MYH11: variants seen among roughly 807,000 people sequenced by gnomAD.
MYH11 encodes myosin-11.
Under a neutral mutation model 246.6 loss-of-function variants are expected in MYH11, and 80 were observed. That is an observed-to-expected ratio of 0.32 (90% confidence interval 0.27 to 0.39). The LOEUF is 0.39. MYH11 is among the 10% of genes least tolerant of loss of function. The pLI is 1.00. For missense variants in MYH11, 2,158 were observed against 2,546.8 expected (o/e 0.85, Z 3.29); for synonymous variants, 1,071 against 1,015.5 (o/e 1.05, Z -1.04).
intron 8 of MYH11, among the ~76,000 whole-genome samples, chr16:15,775,558 C>G (rs148308724): frequency 0.014 from 2,099 of 152,312 alleles, 23 homozygotes; most frequent in Non-Finnish European, 0.024. Context: ...CCAGAAGCCA[C>G]CTGGCCTGCA....
chr16:15,760,410 A>G (rs971206426), intron 11 of MYH11, 130 bp downstream of exon 11: 3 of 797,164 alleles, frequency 3.8e-6, no homozygotes, highest in Admixed American at 1.7e-5. Context: ...AGATGGATGG[A>G]TGGACAGATG....
At chr16:15,786,560 A>G (rs766409147) in intron 5 of MYH11, 70 bp downstream of exon 5, 86 of 1,375,164 alleles carry the variant, frequency 6.3e-5, no homozygotes, top group Non-Finnish European at 4.6e-5. Flanking sequence ...TTCTGTTTGT[A>G]TCTCGGTTGG....
chr16:15,838,066 C>G lies in MYH11; in HGVS notation c.187G>C (p.Val63Leu). Residue 63 changes from valine (V) to leucine (L), a missense_variant, in exon 2 of 41, where the codon GTG (valine) becomes CTG (leucine). By Grantham distance (32) the Val-to-Leu change is conservative. Transcript: ENST00000300036. ...EKGDEVVVEL[V>L]ENGKKVTVGK... ...ACCGTGACCTTCTTGCCATTCTCCA[C>G]CAGCTCCACAACCACCTCATCCCCC... The G allele has an allele frequency of 6.2e-7, 1 of 1,614,152 alleles. No homozygotes were observed. The highest frequency in any genetic ancestry group is 8.5e-7 in the Non-Finnish European group (1 of 1,180,038).
chr16:15,704,999 G>C lies in MYH11; in HGVS notation c.5787-876C>G, dbSNP rs140954447. ...TGGCCTTCAAGGTGGATTTAAAAAA[G>C]AAATTTAAGAGTCTCTCTCACCCAG... On this transcript the variant is annotated intron_variant, in intron 40 of 40. Coordinates refer to ENST00000300036, the MANE Select transcript of MYH11 (RefSeq NM_002474.3). Among the ~76,000 whole-genome samples, 163 of 152,218 alleles carry C rather than the reference G, an allele frequency of 1.1e-3. 3 individuals carry two copies. The East Asian group carries it at 0.026, about 24-fold the overall frequency.
Position 15,782,344 on chromosome 16 carries a change from C to T in MYH11, c.726+41G>A, listed in dbSNP as rs1321755987. ...CTGCAGCCCCAGGCAGGAGATGACA[C>T]CAAAGCTTTTCTGGAAAATCCATGT... On this transcript the variant is annotated intron_variant, in intron 6 of 40. Transcript: ENST00000300036. 15 of 1,579,476 alleles carry T rather than the reference C, an allele frequency of 9.5e-6. No individual in the cohort carries two copies. The South Asian group carries it at 1.4e-4, about 15-fold the overall frequency.
chr16:15,708,389 A>C (rs1428551281), intron 40 of MYH11, among the ~76,000 whole-genome samples: 1 of 152,206 alleles, frequency 6.6e-6, no homozygotes, highest in Non-Finnish European at 1.5e-5. Flanking sequence ...AGATAGTGGA[A>C]CTGTCATATT....
Position 15,715,182 on chromosome 16 carries a change from G to A in MYH11, c.5595C>T (p.Ala1865=), listed in dbSNP as rs760286479. The change falls in exon 39 of 41, where the codon GCC becomes GCT. Residue 1865 remains alanine, a synonymous_variant. Transcript: ENST00000300036. ...LLQVEDERKM[A]EQYKEQAEKG... Reference sequence around the variant, plus strand: ...GGGCTACCTGCTCCTTGTACTGCTCGGCCATCTTGCGCTCGTCCTCCACCT... The same window carrying A: ...GGGCTACCTGCTCCTTGTACTGCTCAGCCATCTTGCGCTCGTCCTCCACCT... The A allele has an allele frequency of 2.7e-5, 44 of 1,613,860 alleles. No individual in the cohort carries two copies. The East Asian group carries it at 5.1e-4, about 19-fold the overall frequency.
intron 23 of MYH11, 139 bp downstream of exon 23, chr16:15,739,912 T>G: frequency 2.2e-6 from 2 of 904,198 alleles, no homozygotes; most frequent in Non-Finnish European, 3.4e-6. Context: ...TGGCTAATCT[T>G]TGTATTTTTA....
intron 7 of MYH11, 87 bp downstream of exon 7, chr16:15,778,693 G>A: frequency 1.6e-6 from 2 of 1,253,708 alleles, no homozygotes; most frequent in South Asian, 2.4e-5. Flanking sequence ...GAAAGATAGA[G>A]GTGGCTCTTG....
chr16:15,777,127 A>ACACACACG (rs1415362906), intron 7 of MYH11, among the ~76,000 whole-genome samples: 1 of 151,622 alleles, frequency 6.6e-6, no homozygotes, highest in Non-Finnish European at 1.5e-5. Context: ...ACACACACAC[A>ACACACACG]CGCACGTATG....
Position 15,719,327 on chromosome 16 carries a change from G to A in MYH11, c.5083-19C>T. 6.2e-7 allele frequency: 1 copy of A among 1,607,986 alleles called. No individual in the cohort carries two copies. The highest frequency in any genetic ancestry group is 1.1e-5 in the South Asian group (1 of 90,912). The stretch of plus-strand genomic sequence containing the variant: ...CGAGGTCCTAGGTGGGAGGGAGGAA[G>A]GCTGTTGTCTGCCAGGGAAAGGCCA... On this transcript the variant is annotated intron_variant, in intron 35 of 40. Coordinates refer to ENST00000300036, the MANE Select transcript of MYH11 (RefSeq NM_002474.3).
chr16:15,833,033 T>A (rs560971229), intron 2 of MYH11, among the ~76,000 whole-genome samples: 1 of 135,724 alleles, frequency 7.4e-6, no homozygotes, highest in South Asian at 2.5e-4. Flanking sequence ...CACAATATCA[T>A]GCCTGTAATC....
chr16:15,782,537 T>A (rs900829877), intron 5 of MYH11, 60 bp from the exon 6 acceptor site: 50 of 1,375,014 alleles, frequency 3.6e-5, no homozygotes, highest in Admixed American at 2.6e-4. Context: ...CAGTTCTACC[T>A]TGGATGGATG....
chr16:15,707,928 C>T (rs556563397), intron 40 of MYH11, among the ~76,000 whole-genome samples: 31 of 142,040 alleles, frequency 2.2e-4, no homozygotes, highest in African/African-American at 6.6e-4. Context: ...GCCAAGATTG[C>T]GCCATTGCAC....
At chr16:15,816,441 G>A (rs972665820) in intron 3 of MYH11, among the ~76,000 whole-genome samples, 10 of 152,030 alleles carry the variant, frequency 6.6e-5, no homozygotes, top group Middle Eastern at 3.4e-3. Context: ...GCTAACTCCA[G>A]GAAAAAGAAA....
At position 15,838,125 on chromosome 16, in the gene MYH11, T is replaced by C; in HGVS notation, c.128A>G (p.Gln43Arg). The change falls in exon 2 of 41, where the codon CAG becomes CGG. Residue 43 changes from glutamine (Q) to arginine (R), a missense_variant. Gln to Arg is a conservative substitution (Grantham distance 43). Around this residue, in one of 11 missense-constraint regions of MYH11, gnomAD observed 96 missense variants for 91.9 expected, o/e 1.04. Coordinates refer to ENST00000300036, the MANE Select transcript of MYH11 (RefSeq NM_002474.3). ...CTTAATGCTGGCTGCCTCGAAGCCC[T>C]GCTTCTCCGAGGGGACCCAGACGAG... The part of the protein sequence containing the change: ...KRLVWVPSEK[Q>R]GFEAASIKEE... The C allele has an allele frequency of 2.5e-6, 4 of 1,614,112 alleles. No individual in the cohort carries two copies. The highest frequency in any genetic ancestry group is 3.4e-6 in the Non-Finnish European group (4 of 1,180,004).
At chr16:15,815,363 G>A (rs1324229923) in intron 3 of MYH11, among the ~76,000 whole-genome samples, 1 of 152,070 alleles carries the variant, frequency 6.6e-6, no homozygotes. Context: ...AATGTCATAT[G>A]AAAGAAACAT....
In MYH11 at chr16:15,755,297, TTGA is replaced by T. The variant is rs61470717; in HGVS notation, c.1749+1041_1749+1043del. On this transcript the variant is annotated intron_variant, in intron 14 of 40. Transcript: ENST00000300036. The stretch of plus-strand genomic sequence containing the variant: ...CCTATACAATAACAGCCAAGGCATG[TTGA>T]TGATGATGATGATGATGATGAATAC... 7.6e-3 allele frequency among the ~76,000 whole-genome samples: 1,159 copies of T among 152,098 alleles called. 24 individuals are homozygous for T. Among genetic ancestry groups the T allele is most frequent in the African/African-American group, 0.026 (1,083 of 41,480 alleles).
At chr16:15,830,744 G>A (rs941410999) in intron 2 of MYH11, among the ~76,000 whole-genome samples, 10 of 151,324 alleles carry the variant, frequency 6.6e-5, no homozygotes, top group Middle Eastern at 3.5e-3. Context: ...TGGGTGTGGT[G>A]ATGCACACCT....
Sources: allele counts gnomAD v4.1 joint callset (sites outside exome capture counted in the v4.1 genomes callset), GRCh38; gene constraint gnomAD v4.1.1; regional missense constraint gnomAD v4.1.1; transcripts MANE v1.5; gene names NCBI Gene and HGNC (gene_info 2026-07-23, HGNC 2026-07-21).